The following NTRK3 variants were observed in gnomAD, a reference collection of about 807,000 sequenced individuals.
The protein encoded by NTRK3 is neurotrophic receptor tyrosine kinase 3.
NTRK3 carries 24 observed loss-of-function variants against 91.7 expected under a neutral mutation model. The observed-to-expected ratio is 0.26, with a 90% CI of 0.19 to 0.37. The LOEUF is 0.37. NTRK3 is among the 10% of genes least tolerant of loss of function. The pLI is 1.00. For synonymous variants in NTRK3, 483 were observed against 404.0 expected (o/e 1.20, Z -2.34); for missense variants, 880 against 1,068.9 (o/e 0.82, Z 2.46).
At chr15:87,888,354 C>T (rs967662234) in intron 17 of NTRK3, among the ~76,000 whole-genome samples, 2 of 152,136 alleles carry the variant, frequency 1.3e-5, no homozygotes, top group African/African-American at 4.8e-5. Context: ...ACCCAGAGAC[C>T]AGATGGGTTC....
intron 14 of NTRK3, among the ~76,000 whole-genome samples, chr15:87,999,411 A>G (rs568249104): frequency 2.0e-5 from 3 of 152,286 alleles, no homozygotes; most frequent in South Asian, 2.1e-4. Flanking sequence ...TCTTACATGT[A>G]TCCCCCACTA....
chr15:87,873,652 T>C, exon 19 of NTRK3: 1 of 232,026 alleles, frequency 4.3e-6, no homozygotes, highest in Non-Finnish European at 8.5e-6. Context: ...GGAGTGGCCA[T>C]ATTGGCTAAT....
intron 6 of NTRK3, among the ~76,000 whole-genome samples, chr15:88,140,320 A>T (rs966777739): frequency 6.6e-6 from 1 of 152,226 alleles, no homozygotes; most frequent in African/African-American, 2.4e-5. Flanking sequence ...AGCATTTCTC[A>T]AAGTACTCAA....
intron 14 of NTRK3, among the ~76,000 whole-genome samples, chr15:88,009,690 C>T (rs1337924684): frequency 2.0e-5 from 3 of 152,182 alleles, no homozygotes; most frequent in Non-Finnish European, 4.4e-5. Context: ...CAAGATGCTG[C>T]TTTGCAGATA....
chr15:88,067,474 C>G (rs1013198377), intron 13 of NTRK3, among the ~76,000 whole-genome samples: 8 of 152,104 alleles, frequency 5.3e-5, no homozygotes, highest in Non-Finnish European at 1.2e-4. Flanking sequence ...CAAACTGGGA[C>G]AGTTCCCAGG....
In NTRK3 at chr15:88,222,896, G is replaced by A. The variant is rs113887551; in HGVS notation, c.248+33010C>T. Among the ~76,000 whole-genome samples the A allele has an allele frequency of 7.9e-5, 12 of 152,292 alleles. No individual in the cohort carries two copies. In the South Asian group the frequency reaches 8.3e-4, roughly 11 times the overall value. ...ACTGAACATCCCGCAGTCAGGCAGC[G>A]GCGAAGTGAGACCAAGGGGTCCCTG... On this transcript the variant is annotated intron_variant, in intron 3 of 18. Coordinates refer to ENST00000394480, the Ensembl canonical transcript of NTRK3.
chr15:88,052,133 C>A (rs1161777251), intron 13 of NTRK3, among the ~76,000 whole-genome samples: 5 of 152,170 alleles, frequency 3.3e-5, no homozygotes, highest in African/African-American at 4.8e-5. Flanking sequence ...AATTTCCATA[C>A]ATAAAGGGGA....
intron 3 of NTRK3, among the ~76,000 whole-genome samples, chr15:88,209,105 A>C (rs1345025657): frequency 6.6e-6 from 1 of 152,262 alleles, no homozygotes; most frequent in East Asian, 1.9e-4. Context: ...GGGAATACAG[A>C]TGAAGAAACA....
intron 13 of NTRK3, among the ~76,000 whole-genome samples, chr15:88,086,871 C>T (rs931697019): frequency 1.1e-4 from 17 of 152,306 alleles, no homozygotes; most frequent in African/African-American, 3.8e-4. Context: ...ACCCTCCATG[C>T]CTGAAGGAGG....
intron 14 of NTRK3, among the ~76,000 whole-genome samples, chr15:87,983,575 T>C (rs944217000): frequency 6.6e-6 from 1 of 152,174 alleles, no homozygotes; most frequent in Non-Finnish European, 1.5e-5. Context: ...AGGTGGATAG[T>C]ATTAACTCCA....
intron 13 of NTRK3, among the ~76,000 whole-genome samples, chr15:88,067,715 T>C (rs138530395): frequency 6.6e-6 from 1 of 152,338 alleles, no homozygotes; most frequent in East Asian, 1.9e-4. Context: ...GTTGGTAGAA[T>C]CTAAATGCAC....
At chr15:87,886,293 G>A (rs550334355) in intron 17 of NTRK3, among the ~76,000 whole-genome samples, 251 of 152,044 alleles carry the variant, frequency 1.7e-3, no homozygotes, top group Non-Finnish European at 3.1e-3. Flanking sequence ...TTTGAACCCA[G>A]CAATTTCACC....
chr15:88,173,149 G>A (rs1252937427), intron 5 of NTRK3, among the ~76,000 whole-genome samples: 1 of 152,188 alleles, frequency 6.6e-6, no homozygotes, highest in Non-Finnish European at 1.5e-5. Context: ...GTGTTATCAT[G>A]TGCCATAGGG....
At chr15:88,065,123 G>A (rs140168785) in intron 13 of NTRK3, among the ~76,000 whole-genome samples, 13 of 152,160 alleles carry the variant, frequency 8.5e-5, no homozygotes, top group African/African-American at 2.9e-4. Context: ...CAAGCTCCAG[G>A]ATTGTATTTC....
At chr15:88,149,640 T>G (rs959386082) in intron 5 of NTRK3, among the ~76,000 whole-genome samples, 1 of 152,220 alleles carries the variant, frequency 6.6e-6, no homozygotes, top group Admixed American at 6.5e-5. Context: ...AGAACTGCAG[T>G]GATGACCACC....
chr15:88,127,235 C>A lies in NTRK3; in HGVS notation c.1229-9G>T, dbSNP rs1220196457. 9 of 1,613,474 alleles carry A rather than the reference C, an allele frequency of 5.6e-6. No individual in the cohort carries two copies. The highest frequency in any genetic ancestry group is 1.3e-5 in the African/African-American group (1 of 74,890). ...GGGACTCACTTCGTCAACTGAAAAC[C>A]AAACACAAAAAGGAGGAGGACAGTT... On this transcript the variant is annotated splice_polypyrimidine_tract_variant and intron_variant, in intron 11 of 18. Coordinates refer to ENST00000394480, the Ensembl canonical transcript of NTRK3.
In NTRK3 at chr15:88,235,767, C is replaced by T. The variant is rs755192819; in HGVS notation, c.248+20139G>A. On this transcript the variant is annotated intron_variant, in intron 3 of 18. Transcript: ENST00000394480. This position sits in a 1 kb window ranked among gnomAD's most constrained non-coding sequence, Gnocchi z 5.2. ...AGTCATCTGTTTTCTGCCTGCTTCACTCCTCTGCAAAAAGCAGCAAGAAGC... is the reference window on the plus strand; with the variant it reads ...AGTCATCTGTTTTCTGCCTGCTTCATTCCTCTGCAAAAAGCAGCAAGAAGC... Among the ~76,000 whole-genome samples, 110 of 152,240 alleles carry T rather than the reference C, an allele frequency of 7.2e-4. No individual in the cohort carries two copies. Among genetic ancestry groups the T allele is most frequent in the Non-Finnish European group, 1.4e-3 (98 of 68,040 alleles).
chr15:87,920,755 A>G (rs1161163545), intron 17 of NTRK3, among the ~76,000 whole-genome samples: 1 of 152,098 alleles, frequency 6.6e-6, no homozygotes, highest in Non-Finnish European at 1.5e-5. Flanking sequence ...TGAACCATGG[A>G]ATCCTGGAGG....
intron 17 of NTRK3, among the ~76,000 whole-genome samples, chr15:87,911,034 A>T (rs912414375): frequency 6.6e-6 from 1 of 152,172 alleles, no homozygotes; most frequent in Non-Finnish European, 1.5e-5. Flanking sequence ...GAAAGGTCAA[A>T]TGAAGATTTT....
Sources: allele counts gnomAD v4.1 joint callset (sites outside exome capture counted in the v4.1 genomes callset), GRCh38; gene constraint gnomAD v4.1.1; non-coding constraint Gnocchi (gnomAD v3.1); transcripts MANE v1.5; gene names NCBI Gene and HGNC (gene_info 2026-07-23, HGNC 2026-07-21).